The following ZSWIM9 variants were observed in gnomAD, a reference collection of about 807,000 sequenced individuals.
The protein encoded by ZSWIM9 is zinc finger SWIM-type containing 9, also known as uncharacterized protein ZSWIM9.
In ZSWIM9, 11 loss-of-function variants were observed where a neutral mutation model predicts 25.0. That is an observed-to-expected ratio of 0.44 (90% CI 0.28 to 0.73). ZSWIM9 has a LOEUF of 0.73. Ranked by LOEUF, ZSWIM9 falls within the 30% of genes least tolerant of loss-of-function variation. The pLI is 0.16. For synonymous variants in ZSWIM9, 562 were observed against 582.1 expected, an observed-to-expected ratio of 0.97 and a Z score of 0.50; for missense variants, 1,070 against 1,296.5, an observed-to-expected ratio of 0.83 and a Z score of 2.68.
intron 1 of ZSWIM9, 126 bp from the exon 2 acceptor site, chr19:48,171,668 C>T (rs761856729): frequency 2.1e-6 from 2 of 940,152 alleles, no homozygotes; most frequent in African/African-American, 1.7e-5. Flanking sequence ...CAGGCACGTC[C>T]GACCCCGGGC....
intron 3 of ZSWIM9, among the ~76,000 whole-genome samples, chr19:48,191,117 T>C (rs373102): frequency 0.037 from 5,595 of 151,392 alleles, 331 homozygotes; most frequent in African/African-American, 0.13. Context: ...TGTGTGTGTG[T>C]GTGTGTGTGC....
At position 48,196,387 on chromosome 19, in the gene ZSWIM9, T is replaced by C. The variant is rs1328894675; in HGVS notation, c.2323T>C (p.Leu775=). Residue 775 remains leucine, a synonymous_variant, in exon 4 of 4, where the codon TTG becomes CTG. Coordinates refer to ENST00000614654, the MANE Select transcript of ZSWIM9 (RefSeq NM_199341.4). The stretch of plus-strand genomic sequence containing the variant: ...GTCTGGCACCCCGGTGGGGACTGTA[T>C]TGGAAGGCAGCCCAGAATGGGCAGC... ...VVSGTPVGTV[L]EGSPEWAAAR... is the part of the protein sequence containing the mutation. The C allele has an allele frequency of 1.6e-6, 2 of 1,231,752 alleles. No homozygotes were observed. The highest frequency in any genetic ancestry group is 1.6e-5 in the African/African-American group (1 of 64,118). The allele number at this position is 1,231,752 out of a possible 1,614,324, so 76.3% of individuals were successfully genotyped here.
rs575390090 is a variant in ZSWIM9 at position 48,190,503 on chromosome 19, G to A, written c.589-4150G>A. 5.8e-5 allele frequency: 9 copies of A among 154,952 alleles called. No homozygotes were observed. The South Asian group carries it at 1.2e-3, about 21-fold the overall frequency. The allele number at this position is 154,952 out of a possible 1,614,324, so 9.6% of individuals were successfully genotyped here. ...TCAGCCCAACGTAATTACCATATCT[G>A]GCAGCGGTGGCTGCGAAGGCTTCTC... On this transcript the variant is annotated intron_variant, in intron 3 of 3. Transcript: ENST00000614654.
chr19:48,189,943 C>T (rs970837182), intron 3 of ZSWIM9, among the ~76,000 whole-genome samples: 2 of 152,130 alleles, frequency 1.3e-5, no homozygotes, highest in African/African-American at 4.8e-5. Flanking sequence ...TGGCTCACAC[C>T]TGTAATCCCA....
intron 3 of ZSWIM9, among the ~76,000 whole-genome samples, chr19:48,191,484 C>T (rs1448892020): frequency 6.6e-6 from 1 of 152,176 alleles, no homozygotes; most frequent in African/African-American, 2.4e-5. Flanking sequence ...GGATTACAGG[C>T]GTAAGCCACT....
chr19:48,172,141 G>T, intron 2 of ZSWIM9, 64 bp downstream of exon 2: 1 of 1,314,954 alleles, frequency 7.6e-7, no homozygotes, highest in Non-Finnish European at 1.0e-6. Context: ...GGTGTGGGTG[G>T]GAGACGGGCA....
At chr19:48,174,663 TTG>T (rs2036874752) in intron 2 of ZSWIM9, 1 of 152,258 alleles carries the variant, frequency 6.6e-6, no homozygotes, top group African/African-American at 2.4e-5. Flanking sequence ...AAATACATTC[TTG>T]CAACTTCTTT....
In ZSWIM9 at chr19:48,193,845, A is replaced by G. The variant is rs185104649; in HGVS notation, c.589-808A>G. ...GAGATGCTCTTATTATCATCACTTT[A>G]CAAATGAAAGGGAGGTTAGGGAAGT... is the stretch of plus-strand genomic sequence containing the variant. On this transcript the variant is annotated intron_variant, in intron 3 of 3. Transcript: ENST00000614654. Among the ~76,000 whole-genome samples the G allele has an allele frequency of 6.9e-4, 105 of 152,300 alleles. 2 individuals are homozygous for G. The highest frequency in any genetic ancestry group is 2.2e-3 in the African/African-American group (91 of 41,566).
At chr19:48,190,238 T>C (rs2037078303) in intron 3 of ZSWIM9, among the ~76,000 whole-genome samples, 1 of 151,346 alleles carries the variant, frequency 6.6e-6, no homozygotes, top group Non-Finnish European at 1.5e-5. Context: ...TAAGCAATAG[T>C]CCCAACATAC....
Position 48,195,152 on chromosome 19 carries a change from C to A in ZSWIM9, c.1088C>A (p.Ala363Asp). 1 of 1,513,574 alleles carries A rather than the reference C, an allele frequency of 6.6e-7. No homozygotes were observed. Among genetic ancestry groups the A allele is most frequent in the South Asian group, 1.2e-5 (1 of 83,394 alleles). The allele number at this position is 1,513,574 out of a possible 1,614,324, so 93.8% of individuals were successfully genotyped here. Residue 363 changes from alanine (A) to aspartate (D), a missense_variant, in exon 4 of 4, where the codon GCC becomes GAC. By Grantham distance (126) the Ala-to-Asp change is moderately radical. This residue lies in a region of ZSWIM9 where 184 missense variants were observed against 243.1 expected (regional missense o/e 0.76). Transcript: ENST00000614654. This position sits in a 1 kb window ranked among gnomAD's most constrained non-coding sequence, Gnocchi z 5.8. ...SSPAAYDEAL[A>D]ELHAHGPAAF... is the part of the protein sequence containing the mutation. ...CCCGCAGCCTACGACGAGGCGCTGGCCGAGCTCCACGCCCACGGCCCAGCC... is the reference window on the plus strand; with the variant it reads ...CCCGCAGCCTACGACGAGGCGCTGGACGAGCTCCACGCCCACGGCCCAGCC...
At chr19:48,185,499 A>C (rs1421362737) in intron 3 of ZSWIM9, among the ~76,000 whole-genome samples, 1 of 152,230 alleles carries the variant, frequency 6.6e-6, no homozygotes, top group African/African-American at 2.4e-5. Context: ...TAGTGAAGCA[A>C]CATTTAAATA....
chr19:48,179,371 G>A (rs1054710083), intron 2 of ZSWIM9, among the ~76,000 whole-genome samples: 3 of 151,994 alleles, frequency 2.0e-5, no homozygotes, highest in African/African-American at 7.3e-5. Context: ...CTCTTGCTAT[G>A]TTGCCCAGGC....
At chr19:48,193,220 C>A (rs1361032353) in intron 3 of ZSWIM9, 2 of 154,732 alleles carry the variant, frequency 1.3e-5, no homozygotes, top group Non-Finnish European at 2.9e-5. Context: ...GACAAGGAAC[C>A]AAGGCTCATT....
chr19:48,171,180 G>A (rs1428630739), intron 1 of ZSWIM9: 1 of 975,200 alleles, frequency 1.0e-6, no homozygotes, highest in Non-Finnish European at 1.2e-6. Flanking sequence ...GAGCCATAGG[G>A]TCATAATCGG....
At chr19:48,183,253 C>T (rs2036973931) in intron 3 of ZSWIM9, among the ~76,000 whole-genome samples, 2 of 152,180 alleles carry the variant, frequency 1.3e-5, no homozygotes, top group South Asian at 2.1e-4. Context: ...CTCAGCCTTC[C>T]GAGTACCTGG....
intron 3 of ZSWIM9, among the ~76,000 whole-genome samples, chr19:48,190,860 A>G (rs1462726558): frequency 3.3e-5 from 5 of 152,146 alleles, no homozygotes; most frequent in African/African-American, 1.2e-4. Flanking sequence ...ACATGAAGCC[A>G]TTTTGGGGTG....
At position 48,196,566 on chromosome 19, in the gene ZSWIM9, G is replaced by T; in HGVS notation, c.2502G>T (p.Leu834=). The T allele has an allele frequency of 4.1e-6, 5 of 1,232,614 alleles. No individual in the cohort carries two copies. Among genetic ancestry groups the T allele is most frequent in the Non-Finnish European group, 5.1e-6 (5 of 988,388 alleles). The allele number at this position is 1,232,614 out of a possible 1,614,324, so 76.4% of individuals were successfully genotyped here. ...AKFRAACGPE[L]ADLVAEELAF... is the part of the protein sequence containing the mutation. ...TCCGAGCAGCCTGCGGGCCAGAGCTGGCAGACCTGGTGGCTGAGGAGTTGG... is the reference window on the plus strand; with the variant it reads ...TCCGAGCAGCCTGCGGGCCAGAGCTTGCAGACCTGGTGGCTGAGGAGTTGG... The change falls in exon 4 of 4, where the codon CTG becomes CTT. Residue 834 remains leucine (L), a synonymous_variant. Transcript: ENST00000614654.
At chr19:48,172,450 G>A (rs1568572871) in intron 2 of ZSWIM9, among the ~76,000 whole-genome samples, 1 of 152,078 alleles carries the variant, frequency 6.6e-6, no homozygotes, top group African/African-American at 2.4e-5. Context: ...TAGGACTACA[G>A]GCACCTGCCA....
In ZSWIM9 at chr19:48,182,604, C is replaced by T. The variant is rs760176090; in HGVS notation, c.425C>T (p.Ala142Val). 2.0e-5 allele frequency: 31 copies of T among 1,535,746 alleles called. No homozygotes were observed. Among genetic ancestry groups the T allele is most frequent in the Non-Finnish European group, 2.4e-5 (27 of 1,146,736 alleles). The change falls in exon 3 of 4, where the codon GCC (alanine) becomes GTC (valine). Residue 142 changes from alanine (A) to valine (V), a missense_variant. Around this residue, in one of 4 missense-constraint regions of ZSWIM9, gnomAD observed 265 missense variants for 339.0 expected, o/e 0.78. Transcript: ENST00000614654. This position sits in a 1 kb window ranked among gnomAD's most constrained non-coding sequence, Gnocchi z 4.6. Reference sequence around the variant, plus strand: ...TACTTCCGCCCGGGCCACCTGCTGGCCAACGCCTGCCTGCCGGTGCGCACC... The same window carrying T: ...TACTTCCGCCCGGGCCACCTGCTGGTCAACGCCTGCCTGCCGGTGCGCACC... Reference protein sequence around the residue: ...AYYFRPGHLLANACLPVRTTN... With the variant: ...AYYFRPGHLLVNACLPVRTTN...
Sources: allele counts gnomAD v4.1 joint callset (sites outside exome capture counted in the v4.1 genomes callset), GRCh38; gene constraint gnomAD v4.1.1; regional missense constraint gnomAD v4.1.1; non-coding constraint Gnocchi (gnomAD v3.1); transcripts MANE v1.5; gene names NCBI Gene and HGNC (gene_info 2026-07-23, HGNC 2026-07-21).